The following PARPBP variants were observed in gnomAD, a reference collection of about 807,000 sequenced individuals.
The protein encoded by PARPBP is PCNA-interacting partner.
In PARPBP, 52 loss-of-function variants were observed where a neutral mutation model predicts 50.0. That is an observed-to-expected ratio of 1.04 (90% CI 0.83 to 1.31). The LOEUF (loss-of-function observed/expected upper bound fraction) is 1.31. Among genes scored for constraint, PARPBP ranks in the 50% most tolerant of loss-of-function variants. PARPBP has a pLI of 0.00. For synonymous variants in PARPBP, 244 were observed against 232.1 expected (o/e 1.05, Z -0.47); for missense variants, 697 against 672.0 (o/e 1.04, Z -0.41).
Position 102,165,734 on chromosome 12 carries a change from C to T in PARPBP, c.672C>T (p.Ala224=), listed in dbSNP as rs1156668504. ...CCGTTTGTTTTAATTCATAGGTGGC[C>T]ACGTCTTTTATTAGAACAATAGAGC... ...REKQMSIFLV[A]TSFIRTIELG... The change falls in exon 6 of 11, where the codon GCC becomes GCT. Residue 224 remains alanine, a synonymous_variant. Coordinates refer to ENST00000327680, the MANE Select transcript of PARPBP (RefSeq NM_017915.5). 6.2e-7 allele frequency: 1 copy of T among 1,601,690 alleles called. No individual in the cohort carries two copies. Among genetic ancestry groups the T allele is most frequent in the East Asian group, 2.2e-5 (1 of 44,680 alleles).
intron 6 of PARPBP, among the ~76,000 whole-genome samples, chr12:102,166,337 A>G (rs1888139122): frequency 6.6e-6 from 1 of 152,038 alleles, no homozygotes; most frequent in South Asian, 2.1e-4. Context: ...TTGTTTTTAT[A>G]TGATATTGGA....
chr12:102,146,788 A>G (rs1029425816), intron 2 of PARPBP, among the ~76,000 whole-genome samples: 11 of 152,204 alleles, frequency 7.2e-5, no homozygotes, highest in Non-Finnish European at 1.5e-4. Flanking sequence ...GCAACCTACA[A>G]AATGGGAGAA....
chr12:102,147,460 G>T (rs1435140600), intron 2 of PARPBP, among the ~76,000 whole-genome samples: 3 of 150,602 alleles, frequency 2.0e-5, no homozygotes, highest in South Asian at 2.1e-4. Flanking sequence ...GTAAACTATC[G>T]CAAGGACAAA....
At chr12:102,152,242 G>A (rs910934085) in intron 3 of PARPBP, among the ~76,000 whole-genome samples, 1 of 152,114 alleles carries the variant, frequency 6.6e-6, no homozygotes, top group African/African-American at 2.4e-5. Context: ...AAAAACACAG[G>A]ACATAATATA....
chr12:102,138,704 A>G (rs192398245), intron 2 of PARPBP, among the ~76,000 whole-genome samples: 3 of 152,284 alleles, frequency 2.0e-5, no homozygotes, highest in Middle Eastern at 6.8e-3. Context: ...CTTTCTACAT[A>G]TGGCTAGCCA....
intron 3 of PARPBP, among the ~76,000 whole-genome samples, chr12:102,150,757 A>C (rs1886081578): frequency 6.6e-6 from 1 of 152,230 alleles, no homozygotes; most frequent in South Asian, 2.1e-4. Flanking sequence ...AATCCTGAGA[A>C]GAGCTTAGCC....
chr12:102,166,813 A>G (rs1431582687), intron 6 of PARPBP, among the ~76,000 whole-genome samples: 1 of 152,124 alleles, frequency 6.6e-6, no homozygotes, highest in Non-Finnish European at 1.5e-5. Context: ...TCTGAATTGC[A>G]GTCTGTCTTC....
chr12:102,153,598 A>G (rs187297728), intron 3 of PARPBP, among the ~76,000 whole-genome samples: 246 of 152,310 alleles, frequency 1.6e-3, no homozygotes, highest in Non-Finnish European at 2.7e-3. Flanking sequence ...TGCTTTGGCC[A>G]CACAAAGTGA....
intron 2 of PARPBP, among the ~76,000 whole-genome samples, chr12:102,138,281 C>A (rs934358273): frequency 6.6e-6 from 1 of 152,128 alleles, no homozygotes; most frequent in Non-Finnish European, 1.5e-5. Flanking sequence ...TTTCTTGTGT[C>A]TTTTGGGTGC....
intron 6 of PARPBP, among the ~76,000 whole-genome samples, chr12:102,172,941 A>G (rs1241689091): frequency 6.6e-6 from 1 of 152,226 alleles, no homozygotes; most frequent in Non-Finnish European, 1.5e-5. Context: ...CATATATGTG[A>G]AAGAATTCCT....
intron 9 of PARPBP, among the ~76,000 whole-genome samples, chr12:102,191,184 G>C (rs1245482971): frequency 1.3e-5 from 2 of 152,012 alleles, no homozygotes; most frequent in African/African-American, 4.8e-5. Flanking sequence ...TAACAGCAAG[G>C]GTTTATAGTC....
Position 102,196,318 on chromosome 12 carries a change from A to G in PARPBP, c.*27A>G, listed in dbSNP as rs767835564. ...TTTGTGTCTTATATGCTTTAGGTTT[A>G]TGTATCTATAAACCATTCACCAAAG... On this transcript the variant is annotated 3_prime_UTR_variant, in exon 11 of 11. Transcript: ENST00000327680. 7 of 1,382,388 alleles carry G rather than the reference A, an allele frequency of 5.1e-6. No homozygotes were observed. In the African/African-American group the frequency reaches 5.8e-5, roughly 11 times the overall value. 85.6% of individuals were successfully genotyped at this position (1,382,388 alleles called of 1,614,324 possible).
chr12:102,135,726 T>C (rs146459510), intron 2 of PARPBP, among the ~76,000 whole-genome samples: 191 of 152,282 alleles, frequency 1.3e-3, no homozygotes, highest in Middle Eastern at 0.01. Flanking sequence ...GGGAATTTTG[T>C]CTTCTGTTTT....
At chr12:102,143,891 T>C (rs1452379645) in intron 2 of PARPBP, among the ~76,000 whole-genome samples, 2 of 152,182 alleles carry the variant, frequency 1.3e-5, no homozygotes, top group African/African-American at 4.8e-5. Context: ...TACCTGTGAT[T>C]GACTGTCAGA....
chr12:102,156,330 G>A (rs910392031), intron 4 of PARPBP, among the ~76,000 whole-genome samples: 4 of 150,546 alleles, frequency 2.7e-5, no homozygotes, highest in Admixed American at 2.0e-4. Flanking sequence ...GGGACTACAG[G>A]TGCCCACCAC....
At chr12:102,181,755 A>G (rs536202053) in intron 8 of PARPBP, among the ~76,000 whole-genome samples, 22 of 152,280 alleles carry the variant, frequency 1.4e-4, no homozygotes, top group Admixed American at 1.3e-3. Context: ...TGTTAGAACA[A>G]AACACCCCAG....
chr12:102,160,686 C>T (rs952648566), intron 4 of PARPBP, among the ~76,000 whole-genome samples: 6 of 152,166 alleles, frequency 3.9e-5, no homozygotes, highest in African/African-American at 7.2e-5. Flanking sequence ...TGGTGGTTAA[C>T]GCCTGTAATC....
chr12:102,189,243 T>C (rs1477943780), intron 9 of PARPBP, among the ~76,000 whole-genome samples: 1 of 152,178 alleles, frequency 6.6e-6, no homozygotes, highest in African/African-American at 2.4e-5. Flanking sequence ...GGGTTCCAAA[T>C]GTGTGGACCC....
intron 7 of PARPBP, 143 bp downstream of exon 7, chr12:102,175,809 C>T (rs2136664172): frequency 1.8e-6 from 1 of 571,002 alleles, no homozygotes; most frequent in East Asian, 3.0e-5. Flanking sequence ...GTAAGTTTCT[C>T]AATAGGATTA....
Sources: allele counts gnomAD v4.1 joint callset (sites outside exome capture counted in the v4.1 genomes callset), GRCh38; gene constraint gnomAD v4.1.1; transcripts MANE v1.5; gene names NCBI Gene and HGNC (gene_info 2026-07-23, HGNC 2026-07-21).